Variants in RUNX1 observed in about 807,000 individuals in gnomAD.
RUNX1 encodes runt-related transcription factor 1.
A neutral mutation model predicts 42.8 loss-of-function variants in RUNX1; 19 were observed. That is an observed-to-expected ratio of 0.44 (90% CI 0.31 to 0.65). RUNX1 has a LOEUF of 0.65. Ranked by LOEUF, RUNX1 falls within the 30% of genes least tolerant of loss-of-function variation. The probability of loss-of-function intolerance (pLI) is 0.07; values close to 1 mark genes in which losing one functional copy is unlikely to be tolerated. For synonymous variants in RUNX1, 271 were observed against 289.4 expected (o/e 0.94, Z 0.64); for missense variants, 528 against 672.0 (o/e 0.79, Z 2.37).
intron 2 of RUNX1, among the ~76,000 whole-genome samples, chr21:34,939,820 A>C (rs1054421704): frequency 6.6e-6 from 1 of 152,174 alleles, no homozygotes; most frequent in Non-Finnish European, 1.5e-5. Context: ...AAATGCTGTG[A>C]TCTTTGTATC....
Position 34,788,980 on chromosome 21 carries a change from T to C in RUNX1, c.*3155A>G, listed in dbSNP as rs2056403161. 1 of 233,236 alleles carries C rather than the reference T, an allele frequency of 4.3e-6. No individual in the cohort carries two copies. Among genetic ancestry groups the C allele is most frequent in the Non-Finnish European group, 8.5e-6 (1 of 118,088 alleles). 14.4% of individuals were successfully genotyped at this position (233,236 alleles called of 1,614,324 possible). A position where few individuals can be genotyped will look rare whatever the true frequency, so the allele number is the denominator to read the frequency against. On this transcript the variant is annotated 3_prime_UTR_variant, in exon 9 of 9. Coordinates refer to ENST00000675419, the MANE Select transcript of RUNX1 (RefSeq NM_001754.5). Reference sequence around the variant, plus strand: ...CAGGACATTTGAGTGGAACCATTCATTTCCTTTCTAATCAGAGCATTTCTG... The same window carrying C: ...CAGGACATTTGAGTGGAACCATTCACTTCCTTTCTAATCAGAGCATTTCTG...
chr21:35,013,222 G>A lies in RUNX1; in HGVS notation c.58+35620C>T, dbSNP rs372593778. On this transcript the variant is annotated intron_variant, in intron 2 of 8. Transcript: ENST00000675419. ...TGTAAGTAAATAACATTATATTGGG[G>A]GTCTATAGATTTAGTTGAATTTTCA... is the stretch of plus-strand genomic sequence containing the variant. Among the ~76,000 whole-genome samples the A allele has an allele frequency of 2.0e-5, 3 of 152,018 alleles. No homozygotes were observed. The East Asian group carries it at 5.8e-4, about 29-fold the overall frequency.
chr21:34,998,573 G>T (rs1044130751), intron 2 of RUNX1, among the ~76,000 whole-genome samples: 2 of 151,862 alleles, frequency 1.3e-5, no homozygotes, highest in East Asian at 3.9e-4. Flanking sequence ...ATGGAGTCTT[G>T]CTCTGTCACC....
intron 2 of RUNX1, among the ~76,000 whole-genome samples, chr21:34,998,590 G>A (rs916739730): frequency 9.2e-5 from 14 of 152,060 alleles, no homozygotes; most frequent in Admixed American, 2.0e-4. Flanking sequence ...CACCCAGGCT[G>A]TAGTGTAGTG....
chr21:35,033,265 CAG>C (rs1271806865), intron 2 of RUNX1, among the ~76,000 whole-genome samples: 2 of 152,354 alleles, frequency 1.3e-5, no homozygotes, highest in Admixed American at 6.5e-5. Flanking sequence ...TCAAATTGCT[CAG>C]AGTCTCTGAA....
intron 2 of RUNX1, among the ~76,000 whole-genome samples, chr21:35,010,283 T>C (rs1339799057): frequency 6.6e-6 from 1 of 152,120 alleles, no homozygotes; most frequent in Non-Finnish European, 1.5e-5. Context: ...ACATATCCAA[T>C]ATAGATTTGG....
In RUNX1 at chr21:35,008,551, T is replaced by G. The variant is rs546973474; in HGVS notation, c.58+40291A>C. ...GGATGGGGCAGACCACAGTAGCATT[T>G]AAAGAGAAAAAGGGAAAAGTTAGGT... On this transcript the variant is annotated intron_variant, in intron 2 of 8. Coordinates refer to ENST00000675419, the MANE Select transcript of RUNX1 (RefSeq NM_001754.5). Among the ~76,000 whole-genome samples, 4 of 152,328 alleles carry G rather than the reference T, an allele frequency of 2.6e-5. No homozygotes were observed. The South Asian group carries it at 8.3e-4, about 32-fold the overall frequency.
chr21:34,953,856 G>A (rs1022876606), intron 2 of RUNX1, among the ~76,000 whole-genome samples: 7 of 152,126 alleles, frequency 4.6e-5, no homozygotes, highest in African/African-American at 1.7e-4. Context: ...CTAAGAAGAA[G>A]GTATCAAGAA....
At chr21:35,019,170 T>C (rs1379775508) in intron 2 of RUNX1, among the ~76,000 whole-genome samples, 1 of 152,248 alleles carries the variant, frequency 6.6e-6, no homozygotes, top group African/African-American at 2.4e-5. Flanking sequence ...TCATTTGAAG[T>C]GATCCACTCA....
intron 5 of RUNX1, among the ~76,000 whole-genome samples, chr21:34,860,717 G>A (rs1040829880): frequency 2.6e-4 from 40 of 152,112 alleles, no homozygotes; most frequent in Admixed American, 1.3e-3. Flanking sequence ...AAAGACAGAT[G>A]AAAGGAAAAT....
At chr21:35,043,352 G>A (rs578259866) in intron 2 of RUNX1, among the ~76,000 whole-genome samples, 3 of 152,284 alleles carry the variant, frequency 2.0e-5, no homozygotes, top group South Asian at 2.1e-4. Flanking sequence ...AGGGGAGGCC[G>A]AGAAACAAGA....
intron 2 of RUNX1, among the ~76,000 whole-genome samples, chr21:35,024,944 A>G (rs2059225006): frequency 6.6e-6 from 1 of 152,246 alleles, no homozygotes; most frequent in Non-Finnish European, 1.5e-5. Flanking sequence ...GTGACCAAGG[A>G]AGCTTGACAA....
rs1356085573 is a variant in RUNX1 at position 34,993,564 on chromosome 21, G to GGC, written c.58+55277_58+55278insGC. ...ACACACAGACACACACACAGGCACA[G>GGC]ACACACACAGGCACACACACAGACA... On this transcript the variant is annotated intron_variant, in intron 2 of 8. Transcript: ENST00000675419. Among the ~76,000 whole-genome samples the GGC allele has an allele frequency of 4.0e-5, 3 of 74,524 alleles. No individual in the cohort carries two copies. In the East Asian group the frequency reaches 1.2e-3, roughly 30 times the overall value. The allele number at this position is 74,524 out of a possible 152,430, so 48.9% of individuals were successfully genotyped here. A position where few individuals can be genotyped will look rare whatever the true frequency, so the allele number is the denominator to read the frequency against.
At chr21:34,935,608 A>G (rs1366156824) in intron 2 of RUNX1, among the ~76,000 whole-genome samples, 2 of 151,952 alleles carry the variant, frequency 1.3e-5, no homozygotes, top group Non-Finnish European at 2.9e-5. Flanking sequence ...CCTGGTTAAC[A>G]TAGGGTTTCT....
At chr21:34,881,420 A>C (rs2057903794) in intron 4 of RUNX1, among the ~76,000 whole-genome samples, 1 of 152,224 alleles carries the variant, frequency 6.6e-6, no homozygotes. Flanking sequence ...TTTTACTAGC[A>C]ATGAATTCTA....
chr21:34,793,164 C>G (rs1382376867), intron 8 of RUNX1, among the ~76,000 whole-genome samples: 2 of 148,812 alleles, frequency 1.3e-5, no homozygotes, highest in South Asian at 4.3e-4. Context: ...GAGAGGGTTT[C>G]TACCCAGAAT....
intron 2 of RUNX1, among the ~76,000 whole-genome samples, chr21:34,940,127 G>C (rs1276214440): frequency 6.6e-6 from 1 of 152,018 alleles, no homozygotes; most frequent in Non-Finnish European, 1.5e-5. Flanking sequence ...TTTTTTTGCT[G>C]TGCATGCCTC....
chr21:34,955,392 T>G (rs2058637153), intron 2 of RUNX1, among the ~76,000 whole-genome samples: 1 of 152,150 alleles, frequency 6.6e-6, no homozygotes, highest in African/African-American at 2.4e-5. Context: ...GCAATTATTT[T>G]TATCATTAGA....
chr21:34,946,907 T>G lies in RUNX1; in HGVS notation c.59-53944A>C, dbSNP rs539465993. On this transcript the variant is annotated intron_variant, in intron 2 of 8. Transcript: ENST00000675419. The stretch of plus-strand genomic sequence containing the variant: ...AAGGCAAGCTCGTCCACCTTCAGAC[T>G]CATGCACTTGCATCCCACTAGGTCC... Among the ~76,000 whole-genome samples, 6 of 152,354 alleles carry G rather than the reference T, an allele frequency of 3.9e-5. No homozygotes were observed. The East Asian group carries it at 1.2e-3, about 29-fold the overall frequency.
Sources: allele counts gnomAD v4.1 joint callset (sites outside exome capture counted in the v4.1 genomes callset), GRCh38; gene constraint gnomAD v4.1.1; transcripts MANE v1.5; gene names NCBI Gene and HGNC (gene_info 2026-07-23, HGNC 2026-07-21).